Variants in NCKAP1 observed in about 807,000 individuals in gnomAD.
NCKAP1 encodes the protein nck-associated protein 1.
Under a neutral mutation model 151.2 loss-of-function variants are expected in NCKAP1, and 21 were observed. That is an observed-to-expected ratio of 0.14 (90% confidence interval 0.10 to 0.20). NCKAP1 has a LOEUF of 0.20. Among genes scored for constraint, NCKAP1 ranks in the 10% least tolerant of loss-of-function variants. The pLI, the probability that NCKAP1 is intolerant of heterozygous loss-of-function variation, is 1.00. For synonymous variants in NCKAP1, 484 were observed against 451.8 expected (o/e 1.07, Z -0.90); for missense variants, 933 against 1,352.1 (o/e 0.69, Z 4.86).
intron 8 of NCKAP1, among the ~76,000 whole-genome samples, chr2:182,990,591 A>C (rs1241921364): frequency 6.6e-6 from 1 of 152,116 alleles, no homozygotes; most frequent in African/African-American, 2.4e-5. Flanking sequence ...CTAGGACGTA[A>C]GACCTCATCT....
At chr2:183,009,823 G>A (rs1363072017) in intron 2 of NCKAP1, among the ~76,000 whole-genome samples, 1 of 152,096 alleles carries the variant, frequency 6.6e-6, no homozygotes, top group South Asian at 2.1e-4. Flanking sequence ...GCCAATCCGG[G>A]TCTATGAGAT....
chr2:182,971,026 TAAAC>T lies in NCKAP1; in HGVS notation c.1483-3669_1483-3666del, dbSNP rs1201692917. On this transcript the variant is annotated intron_variant, in intron 15 of 30. Transcript: ENST00000361354. ...CAAAAAAAAAGCCTATGAACAAACTTAAACAAAAAGTGAAAGATCTCTACAATGA... is the reference window on the plus strand; with the variant it reads ...CAAAAAAAAAGCCTATGAACAAACTTAAAAAGTGAAAGATCTCTACAATGA... Among the ~76,000 whole-genome samples, 3 of 151,780 alleles carry T rather than the reference TAAAC, an allele frequency of 2.0e-5. 1 individual carries two copies. Among genetic ancestry groups the T allele is most frequent in the Admixed American group, 2.0e-4 (3 of 15,244 alleles).
At chr2:183,037,858 G>C (rs1261331943) in intron 1 of NCKAP1, 134 bp downstream of exon 1, 3 of 635,724 alleles carry the variant, frequency 4.7e-6, no homozygotes, top group Non-Finnish European at 4.9e-6. Flanking sequence ...GGCGACCCCG[G>C]GCCGGGCCTC....
chr2:182,953,849 G>A (rs1222664624), intron 20 of NCKAP1, among the ~76,000 whole-genome samples: 1 of 152,012 alleles, frequency 6.6e-6, no homozygotes, highest in Non-Finnish European at 1.5e-5. Context: ...TGAATAAAAT[G>A]ATTAAAAACA....
chr2:182,954,470 A>T (rs1697283491), intron 20 of NCKAP1, among the ~76,000 whole-genome samples: 1 of 152,160 alleles, frequency 6.6e-6, no homozygotes, highest in South Asian at 2.1e-4. Context: ...CCATCACTAG[A>T]AACAGGCCAA....
intron 13 of NCKAP1, among the ~76,000 whole-genome samples, chr2:182,979,969 T>G (rs1467885796): frequency 6.6e-6 from 1 of 152,130 alleles, no homozygotes; most frequent in East Asian, 1.9e-4. Flanking sequence ...TACTATACTA[T>G]TACTATAATT....
intron 15 of NCKAP1, among the ~76,000 whole-genome samples, chr2:182,969,363 T>TA (rs1180092887): frequency 2.0e-5 from 3 of 151,818 alleles, no homozygotes; most frequent in East Asian, 3.9e-4. Context: ...ATTAAGGAAA[T>TA]AAAAAATTTA....
At chr2:183,004,071 T>C (rs544771803) in intron 2 of NCKAP1, among the ~76,000 whole-genome samples, 2 of 152,266 alleles carry the variant, frequency 1.3e-5, no homozygotes, top group South Asian at 2.1e-4. Flanking sequence ...CAATAAATGA[T>C]CTAGAACCTT....
rs1041245446 is a variant in NCKAP1 at position 182,919,651 on chromosome 2, T to C, written c.*6051A>G. 6.6e-6 allele frequency: 1 copy of C among 151,638 alleles called. No individual in the cohort carries two copies. The highest frequency in any genetic ancestry group is 6.6e-5 in the Admixed American group (1 of 15,236). The allele number at this position is 151,638 out of a possible 1,614,324, so 9.4% of individuals were successfully genotyped here. A position where few individuals can be genotyped will look rare whatever the true frequency, so the allele number is the denominator to read the frequency against. ...CAAGTGCTTTTTTTTTTTAATGTAT[T>C]ATAATTTTTTTTTTTTTTGAGACAG... is the stretch of plus-strand genomic sequence containing the variant. On this transcript the variant is annotated 3_prime_UTR_variant, in exon 31 of 31. Coordinates refer to ENST00000361354, the MANE Select transcript of NCKAP1 (RefSeq NM_013436.5).
chr2:182,919,093 A>G lies in NCKAP1; in HGVS notation c.*6609T>C, dbSNP rs1165656160. ...AAAAGAGCAATATTTAGAGGTTTGA[A>G]TTAGAGAAAACAGAGTATCTGGTAC... is the stretch of plus-strand genomic sequence containing the variant. On this transcript the variant is annotated 3_prime_UTR_variant, in exon 31 of 31. Transcript: ENST00000361354. 1 of 152,230 alleles carries G rather than the reference A, an allele frequency of 6.6e-6. No homozygotes were observed. Among genetic ancestry groups the G allele is most frequent in the Non-Finnish European group, 1.5e-5 (1 of 68,038 alleles). The allele number at this position is 152,230 out of a possible 1,614,324, so 9.4% of individuals were successfully genotyped here. A position where few individuals can be genotyped will look rare whatever the true frequency, so the allele number is the denominator to read the frequency against.
chr2:182,985,473 A>G (rs1698035243), intron 10 of NCKAP1, among the ~76,000 whole-genome samples: 1 of 151,198 alleles, frequency 6.6e-6, no homozygotes, highest in South Asian at 2.1e-4. Context: ...ATTTACTAAT[A>G]TAAGAAATTA....
Position 182,970,306 on chromosome 2 carries a change from C to T in NCKAP1, c.1483-2945G>A, listed in dbSNP as rs555146589. Among the ~76,000 whole-genome samples the T allele has an allele frequency of 3.9e-5, 6 of 152,214 alleles. No individual in the cohort carries two copies. In the South Asian group the frequency reaches 1.2e-3, roughly 32 times the overall value. The stretch of plus-strand genomic sequence containing the variant: ...ACCAAAACCAGACAAAGACACAAAA[C>T]TACACGAAAAGAAACTACAGGCCAT... On this transcript the variant is annotated intron_variant, in intron 15 of 30. Coordinates refer to ENST00000361354, the MANE Select transcript of NCKAP1 (RefSeq NM_013436.5).
chr2:182,950,738 T>C (rs1697197286), intron 23 of NCKAP1, among the ~76,000 whole-genome samples: 1 of 152,190 alleles, frequency 6.6e-6, no homozygotes, highest in South Asian at 2.1e-4. Context: ...CATGATCTCA[T>C]AAAATTCTCT....
intron 14 of NCKAP1, among the ~76,000 whole-genome samples, chr2:182,977,876 A>C (rs1697857703): frequency 6.6e-6 from 1 of 152,230 alleles, no homozygotes; most frequent in Non-Finnish European, 1.5e-5. Flanking sequence ...TACAATTAAA[A>C]AATAAAAACA....
At chr2:183,030,837 T>G (rs1300246424) in intron 1 of NCKAP1, among the ~76,000 whole-genome samples, 1 of 152,180 alleles carries the variant, frequency 6.6e-6, no homozygotes, top group East Asian at 1.9e-4. Flanking sequence ...CCATAAGTAC[T>G]GGAAAACTTT....
chr2:183,005,019 C>T (rs1167506525), intron 2 of NCKAP1, among the ~76,000 whole-genome samples: 1 of 149,578 alleles, frequency 6.7e-6, no homozygotes, highest in African/African-American at 2.5e-5. Context: ...CTCTATTTTG[C>T]ACAACATTAT....
intron 26 of NCKAP1, among the ~76,000 whole-genome samples, chr2:182,932,810 T>G (rs1696793263): frequency 6.6e-6 from 1 of 152,208 alleles, no homozygotes; most frequent in Admixed American, 6.5e-5. Context: ...ACTGATTAGT[T>G]TTTGTCTCCT....
Position 182,935,907 on chromosome 2 carries a change from T to C in NCKAP1, c.2696-532A>G, listed in dbSNP as rs114014966. Among the ~76,000 whole-genome samples the C allele has an allele frequency of 5.2e-3, 798 of 152,270 alleles. 5 individuals are homozygous for C. The highest frequency in any genetic ancestry group is 0.018 in the African/African-American group (731 of 41,560). On this transcript the variant is annotated intron_variant, in intron 24 of 30. Coordinates refer to ENST00000361354, the MANE Select transcript of NCKAP1 (RefSeq NM_013436.5). ...TTTGGCAGGACCAGTTTGCTGAAGC[T>C]GAACAGATTTGATCACTTACATATT...
chr2:183,022,730 T>C (rs1698818608), intron 2 of NCKAP1: 1 of 152,238 alleles, frequency 6.6e-6, no homozygotes, highest in African/African-American at 2.4e-5. Flanking sequence ...TTATTTGTAT[T>C]AGTTCTTACT....
Sources: gnomAD v4.1 joint callset for allele counts (sites outside exome capture counted in the v4.1 genomes callset) on GRCh38, gnomAD v4.1.1 for gene constraint, MANE v1.5 for transcripts, NCBI Gene and HGNC (gene_info 2026-07-23, HGNC 2026-07-21) for gene names.